The following MEIS2 variants were observed in gnomAD, a reference collection of about 807,000 sequenced individuals.
MEIS2 encodes the protein homeobox protein Meis2.
MEIS2 carries 9 observed loss-of-function variants against 58.6 expected under a neutral mutation model. The ratio of observed to expected loss-of-function variants is 0.15; its 90% CI spans 0.09 to 0.27. The LOEUF (loss-of-function observed/expected upper bound fraction) is 0.27, where lower values mean the gene tolerates loss of function less well. Among genes scored for constraint, MEIS2 ranks in the 10% least tolerant of loss-of-function variants. The pLI is 1.00. For synonymous variants in MEIS2, 221 were observed against 228.4 expected (o/e 0.97, Z 0.29); for missense variants, 427 against 635.0 (o/e 0.67, Z 3.52).
chr15:36,907,654 C>A (rs1372621268), intron 9 of MEIS2, among the ~76,000 whole-genome samples: 1 of 152,160 alleles, frequency 6.6e-6, no homozygotes, highest in African/African-American at 2.4e-5. Flanking sequence ...AATACCACCG[C>A]TTTCTTTAAA....
At position 36,996,345 on chromosome 15, in the gene MEIS2, A is replaced by G. The variant is rs368113792; in HGVS notation, c.900+40469T>C. Among the ~76,000 whole-genome samples, 7 of 152,224 alleles carry G rather than the reference A, an allele frequency of 4.6e-5. No homozygotes were observed. The East Asian group carries it at 7.8e-4, about 17-fold the overall frequency. On this transcript the variant is annotated intron_variant, in intron 8 of 11. Transcript: ENST00000561208. The stretch of plus-strand genomic sequence containing the variant: ...GTGGGGCAGCTTTGGGGCAGTCATC[A>G]GCCTCAGGGAACCAATGGCTCCTGG...
rs1595669089 is a variant in MEIS2, at chr15:36,896,158, A to C, written c.1036+470T>G. 2.0e-5 allele frequency among the ~76,000 whole-genome samples: 3 copies of C among 152,388 alleles called. No homozygotes were observed. In the South Asian group the frequency reaches 6.2e-4, roughly 32 times the overall value. The stretch of plus-strand genomic sequence containing the variant: ...TACAAAGGTAATATTCTTTAATAAA[A>C]AATAATGGTGGCAATGCAGCAAGTC... On this transcript the variant is annotated intron_variant, in intron 10 of 11. Coordinates refer to ENST00000561208, the MANE Select transcript of MEIS2 (RefSeq NM_170675.5).
intron 8 of MEIS2, among the ~76,000 whole-genome samples, chr15:37,020,486 G>A (rs1051101682): frequency 2.6e-5 from 4 of 152,056 alleles, no homozygotes; most frequent in East Asian, 1.9e-4. Context: ...TTAGCCAACC[G>A]AATAGTCCTC....
intron 8 of MEIS2, among the ~76,000 whole-genome samples, chr15:37,005,152 A>C (rs2060871730): frequency 6.6e-6 from 1 of 152,240 alleles, no homozygotes; most frequent in Non-Finnish European, 1.5e-5. Context: ...ACATGAGCAC[A>C]CTGTGAAAGA....
At chr15:36,935,395 T>A (rs912543393) in intron 9 of MEIS2, among the ~76,000 whole-genome samples, 20 of 152,078 alleles carry the variant, frequency 1.3e-4, no homozygotes, top group Non-Finnish European at 1.8e-4. Context: ...CATTTTTTTT[T>A]AATTACAAAT....
intron 8 of MEIS2, among the ~76,000 whole-genome samples, chr15:37,016,941 A>T (rs1395962813): frequency 2.0e-5 from 3 of 152,370 alleles, no homozygotes; most frequent in African/African-American, 7.2e-5. Context: ...ATATTTTTCT[A>T]AAATTATAAC....
rs564364435 is a variant in MEIS2 at position 36,946,843 on chromosome 15, C to G, written c.977+3481G>C. Reference sequence around the variant, plus strand: ...AAATGGTGGAACCAGGATTTTAACCCCACACGGTCTGATTCCTGAGCCTGA... The same window carrying G: ...AAATGGTGGAACCAGGATTTTAACCGCACACGGTCTGATTCCTGAGCCTGA... On this transcript the variant is annotated intron_variant, in intron 9 of 11. Coordinates refer to ENST00000561208, the MANE Select transcript of MEIS2 (RefSeq NM_170675.5). 3.1e-4 allele frequency among the ~76,000 whole-genome samples: 47 copies of G among 152,016 alleles called. 1 individual carries two copies. The South Asian group carries it at 8.7e-3, about 28-fold the overall frequency.
intron 9 of MEIS2, among the ~76,000 whole-genome samples, chr15:36,923,135 C>A (rs192269782): frequency 4.6e-5 from 7 of 152,252 alleles, no homozygotes; most frequent in Admixed American, 4.6e-4. Flanking sequence ...GCTGCACACA[C>A]AATACAAAAT....
intron 9 of MEIS2, among the ~76,000 whole-genome samples, chr15:36,936,338 G>A (rs1234578837): frequency 1.3e-5 from 2 of 152,018 alleles, no homozygotes; most frequent in Non-Finnish European, 2.9e-5. Context: ...TGGGACTACA[G>A]GTGCCTGTCA....
chr15:36,965,924 C>T (rs953598027), intron 8 of MEIS2, among the ~76,000 whole-genome samples: 5 of 152,118 alleles, frequency 3.3e-5, no homozygotes, highest in South Asian at 2.1e-4. Flanking sequence ...CTATATCTCA[C>T]GAGGGGAAGA....
intron 8 of MEIS2, among the ~76,000 whole-genome samples, chr15:36,973,605 C>T (rs112517006): frequency 1.0e-3 from 155 of 152,038 alleles, no homozygotes; most frequent in African/African-American, 3.6e-3. Context: ...TTAAATTATC[C>T]GAATTGCCAT....
chr15:36,953,236 G>C lies in MEIS2; in HGVS notation c.901-2836C>G, dbSNP rs75459621. Reference sequence around the variant, plus strand: ...CATTTAAGGCCAAACTGTGGAACTAGAGTATTTCTACTACATGATCTATCA... The same window carrying C: ...CATTTAAGGCCAAACTGTGGAACTACAGTATTTCTACTACATGATCTATCA... On this transcript the variant is annotated intron_variant, in intron 8 of 11. Coordinates refer to ENST00000561208, the MANE Select transcript of MEIS2 (RefSeq NM_170675.5). 6.8e-3 allele frequency among the ~76,000 whole-genome samples: 1,033 copies of C among 152,262 alleles called. 14 individuals are homozygous for C. Among genetic ancestry groups the C allele is most frequent in the African/African-American group, 0.023 (974 of 41,542 alleles).
intron 8 of MEIS2, among the ~76,000 whole-genome samples, chr15:36,998,754 A>T (rs1231980819): frequency 1.3e-5 from 2 of 152,156 alleles, no homozygotes; most frequent in African/African-American, 4.8e-5. Flanking sequence ...CTTGAAGCGT[A>T]CTGCTCTGAG....
At chr15:36,997,186 T>G (rs1219195274) in intron 8 of MEIS2, among the ~76,000 whole-genome samples, 4 of 152,160 alleles carry the variant, frequency 2.6e-5, no homozygotes, top group Non-Finnish European at 1.5e-5. Flanking sequence ...CTTTGTGGAG[T>G]GTTTAAGGAA....
intron 8 of MEIS2, among the ~76,000 whole-genome samples, chr15:36,955,286 T>C (rs1409782809): frequency 2.0e-5 from 3 of 152,254 alleles, no homozygotes; most frequent in Non-Finnish European, 4.4e-5. Flanking sequence ...ACCTTTCCAC[T>C]AAATTCCCAT....
intron 8 of MEIS2, among the ~76,000 whole-genome samples, chr15:36,961,078 C>T (rs2059163621): frequency 6.6e-6 from 1 of 152,022 alleles, no homozygotes; most frequent in African/African-American, 2.4e-5. Context: ...AAGATGGAGA[C>T]AGAGCAAGGT....
In MEIS2 at chr15:37,098,145, T is replaced by G; in HGVS notation, c.67A>C (p.Met23Leu). The G allele has an allele frequency of 1.9e-6, 3 of 1,611,524 alleles. No individual in the cohort carries two copies. Among genetic ancestry groups the G allele is most frequent in the Non-Finnish European group, 2.5e-6 (3 of 1,179,222 alleles). ...GMDGVGVPAS[M>L]YGDPHAPRPI... ...CGCGGCGCGTGAGGGTCTCCGTACA[T>G]GGAAGCGGGAACCCCTACTCCGTCC... Residue 23 changes from methionine to leucine, a missense_variant, in exon 2 of 12, where the codon ATG (methionine) becomes CTG (leucine). Transcript: ENST00000561208.
intron 8 of MEIS2, among the ~76,000 whole-genome samples, chr15:36,994,065 T>A (rs191542056): frequency 2.6e-5 from 4 of 152,176 alleles, no homozygotes; most frequent in Admixed American, 2.6e-4. Flanking sequence ...TCATGATGTG[T>A]GTGTGGGTGG....
intron 8 of MEIS2, among the ~76,000 whole-genome samples, chr15:37,006,601 G>T (rs1167439282): frequency 6.6e-6 from 1 of 152,064 alleles, no homozygotes; most frequent in African/African-American, 2.4e-5. Flanking sequence ...AGCTATATGC[G>T]TCTCTTAATC....
Sources: allele counts gnomAD v4.1 joint callset (sites outside exome capture counted in the v4.1 genomes callset), GRCh38; gene constraint gnomAD v4.1.1; transcripts MANE v1.5; gene names NCBI Gene and HGNC (gene_info 2026-07-23, HGNC 2026-07-21).